HS6ST3: variants seen among roughly 807,000 people sequenced by gnomAD.
HS6ST3 encodes the protein heparan sulfate 6-O-sulfotransferase 3.
HS6ST3 carries 12 observed loss-of-function variants against 36.7 expected under a neutral mutation model. The observed-to-expected ratio is 0.33, with a 90% CI of 0.21 to 0.53. The LOEUF (loss-of-function observed/expected upper bound fraction) is 0.53, where lower values mean the gene tolerates loss of function less well. Among genes scored for constraint, HS6ST3 ranks in the 20% least tolerant of loss-of-function variants. The pLI, the probability that HS6ST3 is intolerant of heterozygous loss-of-function variation, is 0.95. For synonymous variants in HS6ST3, 240 were observed against 257.5 expected, an observed-to-expected ratio of 0.93 and a Z score of 0.65; for missense variants, 584 against 640.9, an observed-to-expected ratio of 0.91 and a Z score of 0.96.
intron 1 of HS6ST3, among the ~76,000 whole-genome samples, chr13:96,779,909 G>C (rs1390925387): frequency 1.3e-5 from 2 of 152,160 alleles, no homozygotes; most frequent in East Asian, 3.8e-4. Context: ...CCTATGACCA[G>C]ATTGGAATGC....
intron 1 of HS6ST3, among the ~76,000 whole-genome samples, chr13:96,156,605 C>T (rs958759363): frequency 6.6e-6 from 1 of 152,150 alleles, no homozygotes. Context: ...TCAAAGGATG[C>T]AGCAGGATTA....
At chr13:96,397,724 C>T (rs934681521) in intron 1 of HS6ST3, among the ~76,000 whole-genome samples, 2 of 152,216 alleles carry the variant, frequency 1.3e-5, no homozygotes, top group Non-Finnish European at 1.5e-5. Flanking sequence ...CCTTCCTGTA[C>T]TTTCATATGT....
intron 1 of HS6ST3, among the ~76,000 whole-genome samples, chr13:96,369,447 C>T (rs200257990): frequency 7.9e-5 from 12 of 152,230 alleles, no homozygotes; most frequent in East Asian, 5.8e-4. Context: ...CTGAGGACAC[C>T]GTGTGAGTAT....
intron 1 of HS6ST3, among the ~76,000 whole-genome samples, chr13:96,692,722 ATTG>A: frequency 6.6e-6 from 1 of 152,108 alleles, no homozygotes. Context: ...AATAGCTTTT[ATTG>A]TTCAAATTTG....
At chr13:96,274,799 C>T (rs1182105672) in intron 1 of HS6ST3, among the ~76,000 whole-genome samples, 6 of 149,294 alleles carry the variant, frequency 4.0e-5, no homozygotes, top group Non-Finnish European at 8.9e-5. Context: ...TTAAAGCTGA[C>T]CATAAAATTC....
intron 1 of HS6ST3, among the ~76,000 whole-genome samples, chr13:96,616,602 A>G (rs1293121323): frequency 6.6e-6 from 1 of 152,192 alleles, no homozygotes; most frequent in Admixed American, 6.5e-5. Flanking sequence ...GTTTTACAAT[A>G]CTAAGATTGC....
At chr13:96,230,849 G>A (rs887015414) in intron 1 of HS6ST3, among the ~76,000 whole-genome samples, 1 of 152,156 alleles carries the variant, frequency 6.6e-6, no homozygotes, top group Non-Finnish European at 1.5e-5. Flanking sequence ...AGAGAAAGGA[G>A]GCAGGGTCCT....
intron 1 of HS6ST3, among the ~76,000 whole-genome samples, chr13:96,112,591 A>ATATATATATATATATG (rs1174625422): frequency 2.2e-4 from 13 of 60,170 alleles, no homozygotes; most frequent in Admixed American, 8.2e-4. Flanking sequence ...ATATATATAT[A>ATATATATATATATATG]TATATATATA....
intron 1 of HS6ST3, among the ~76,000 whole-genome samples, chr13:96,430,019 C>T (rs906534362): frequency 5.3e-5 from 8 of 152,176 alleles, no homozygotes; most frequent in Non-Finnish European, 7.3e-5. Flanking sequence ...TCTAAATTGA[C>T]GCTGATCACT....
chr13:96,556,353 T>G (rs2056240686), intron 1 of HS6ST3, among the ~76,000 whole-genome samples: 1 of 152,196 alleles, frequency 6.6e-6, no homozygotes, highest in Non-Finnish European at 1.5e-5. Flanking sequence ...AGATTTAGGT[T>G]TTAGTGCTAG....
intron 1 of HS6ST3, among the ~76,000 whole-genome samples, chr13:96,315,637 CT>C (rs1460226935): frequency 1.3e-5 from 2 of 151,542 alleles, no homozygotes; most frequent in African/African-American, 4.9e-5. Context: ...GCTTTATTTT[CT>C]TTTTATTCTG....
intron 1 of HS6ST3, among the ~76,000 whole-genome samples, chr13:96,701,336 A>T (rs117586952): frequency 0.012 from 1,893 of 152,322 alleles, 29 homozygotes; most frequent in Middle Eastern, 0.017. Flanking sequence ...AGAATGACTA[A>T]TGGAATAATG....
chr13:96,629,634 T>A (rs2056525040), intron 1 of HS6ST3, among the ~76,000 whole-genome samples: 1 of 152,200 alleles, frequency 6.6e-6, no homozygotes, highest in African/African-American at 2.4e-5. Context: ...TGATATTTAT[T>A]TTATTCTGTG....
chr13:96,804,672 C>T (rs917152254), intron 1 of HS6ST3, among the ~76,000 whole-genome samples: 1 of 151,950 alleles, frequency 6.6e-6, no homozygotes, highest in Admixed American at 6.6e-5. Flanking sequence ...TCCTTCAGTG[C>T]AGTTTCTGTG....
chr13:96,389,086 G>A (rs1257864655), intron 1 of HS6ST3, among the ~76,000 whole-genome samples: 1 of 152,128 alleles, frequency 6.6e-6, no homozygotes, highest in Non-Finnish European at 1.5e-5. Context: ...GCCAAATGTA[G>A]AGATAGAAAA....
intron 1 of HS6ST3, among the ~76,000 whole-genome samples, chr13:96,714,239 A>G (rs1404374293): frequency 1.3e-5 from 2 of 152,212 alleles, no homozygotes; most frequent in African/African-American, 2.4e-5. Context: ...AAGATAACCT[A>G]GAAAACATTT....
At chr13:96,285,311 T>G (rs1352391090) in intron 1 of HS6ST3, among the ~76,000 whole-genome samples, 2 of 152,168 alleles carry the variant, frequency 1.3e-5, no homozygotes, top group Non-Finnish European at 2.9e-5. Context: ...ATATACTATT[T>G]AGCAATAATT....
intron 1 of HS6ST3, among the ~76,000 whole-genome samples, chr13:96,294,932 C>T (rs2054847536): frequency 6.6e-6 from 1 of 152,012 alleles, no homozygotes; most frequent in African/African-American, 2.4e-5. Flanking sequence ...TCCTTAATAG[C>T]ATTGCTATAA....
intron 1 of HS6ST3, among the ~76,000 whole-genome samples, chr13:96,744,482 C>T (rs1224686628): frequency 1.3e-5 from 2 of 152,018 alleles, no homozygotes; most frequent in Admixed American, 1.3e-4. Context: ...AATGGCTGAA[C>T]GAACAGGCTT....
Sources: gnomAD v4.1 joint callset for allele counts (sites outside exome capture counted in the v4.1 genomes callset) on GRCh38, gnomAD v4.1.1 for gene constraint, MANE v1.5 for transcripts, NCBI Gene and HGNC (gene_info 2026-07-23, HGNC 2026-07-21) for gene names.